ROBO2: variants seen among roughly 807,000 people sequenced by gnomAD.
The protein encoded by ROBO2 is roundabout guidance receptor 2, also known as roundabout homolog 2.
A neutral mutation model predicts 160.8 loss-of-function variants in ROBO2; 53 were observed. The ratio of observed to expected loss-of-function variants is 0.33; its 90% CI spans 0.26 to 0.41. The LOEUF is 0.41. ROBO2 is among the 10% of genes least tolerant of loss of function. The pLI is 1.00. For missense variants in ROBO2, 1,577 were observed against 1,722.4 expected (o/e 0.92, Z 1.49); for synonymous variants, 664 against 611.7 (o/e 1.09, Z -1.26).
In ROBO2 at chr3:77,574,761, A is replaced by T. The variant is rs1385949469; in HGVS notation, c.2203+31A>T. On this transcript the variant is annotated intron_variant, in intron 14 of 25. Transcript: ENST00000461745. ...TATTCAGATTTCGAATATAAATCAAACATGATGAAACCAATTTCTGTTACA... is the reference window on the plus strand; with the variant it reads ...TATTCAGATTTCGAATATAAATCAATCATGATGAAACCAATTTCTGTTACA... The T allele has an allele frequency of 9.3e-6, 14 of 1,508,750 alleles. No homozygotes were observed. The East Asian group carries it at 3.2e-4, about 34-fold the overall frequency. The allele number at this position is 1,508,750 out of a possible 1,614,324, so 93.5% of individuals were successfully genotyped here. A position where few individuals can be genotyped will look rare whatever the true frequency, so the allele number is the denominator to read the frequency against.
At chr3:77,373,867 CAA>C (rs35983454) in intron 2 of ROBO2, among the ~76,000 whole-genome samples, 45,830 of 112,230 alleles carry the variant, frequency 0.41, 7,711 homozygotes, top group East Asian at 0.69. Flanking sequence ...CCAAAGCAGG[CAA>C]AAAAAAAAAA....
chr3:77,473,677 CG>C (rs2083637151), intron 2 of ROBO2, among the ~76,000 whole-genome samples: 1 of 151,808 alleles, frequency 6.6e-6, no homozygotes, highest in Non-Finnish European at 1.5e-5. Flanking sequence ...AGAATGGTCT[CG>C]GTCTCCTGAC....
chr3:76,766,248 C>G (rs2061571463), intron 2 of ROBO2, among the ~76,000 whole-genome samples: 1 of 151,636 alleles, frequency 6.6e-6, no homozygotes, highest in South Asian at 2.1e-4. Context: ...CTCTGACCCA[C>G]TTCACCTACA....
chr3:77,098,356 G>T lies in ROBO2; in HGVS notation c.388+16G>T. Reference sequence around the variant, plus strand: ...GAAGTGGCATGTAAGTGAACATAATGAACCTCATGTGCACATTTACTTTTA... The same window carrying T: ...GAAGTGGCATGTAAGTGAACATAATTAACCTCATGTGCACATTTACTTTTA... On this transcript the variant is annotated intron_variant, in intron 2 of 25. Coordinates refer to ENST00000461745, the Ensembl canonical transcript of ROBO2. The T allele has an allele frequency of 1.2e-6, 2 of 1,611,714 alleles. No homozygotes were observed. The highest frequency in any genetic ancestry group is 2.2e-5 in the South Asian group (2 of 90,960).
At chr3:77,137,560 T>C (rs898530030) in intron 2 of ROBO2, among the ~76,000 whole-genome samples, 6 of 152,242 alleles carry the variant, frequency 3.9e-5, no homozygotes, top group African/African-American at 1.4e-4. Flanking sequence ...TTAATTTGTC[T>C]TTAATTTGCA....
In ROBO2 at chr3:76,252,006, TGA is replaced by T. The variant is rs376335941; in HGVS notation, c.109+314410_109+314411del. On this transcript the variant is annotated intron_variant, in intron 2 of 26. Coordinates refer to the ROBO2 transcript ENST00000487694. Reference sequence around the variant, plus strand: ...CTAATGAGAAGCAAGTTACAGGTTTTGAGAGAGCCAGAGGACTGGGGCTTATG... The same window carrying T: ...CTAATGAGAAGCAAGTTACAGGTTTTGAGAGCCAGAGGACTGGGGCTTATG... Among the ~76,000 whole-genome samples the T allele has an allele frequency of 6.6e-3, 1,006 of 152,126 alleles. 3 individuals carry two copies. Among genetic ancestry groups the T allele is most frequent in the Middle Eastern group, 0.01 (3 of 294 alleles).
intron 2 of ROBO2, among the ~76,000 whole-genome samples, chr3:76,867,743 G>A (rs1449009268): frequency 2.0e-5 from 3 of 152,098 alleles, no homozygotes; most frequent in Non-Finnish European, 2.9e-5. Context: ...TTCTCTCCTC[G>A]AAAACCATTG....
At chr3:75,917,870 T>G (rs1361960343) in intron 1 of ROBO2, among the ~76,000 whole-genome samples, 1 of 74,404 alleles carries the variant, frequency 1.3e-5, no homozygotes, top group East Asian at 4.7e-4. Flanking sequence ...CTTTGCCTAC[T>G]TTTTGATGGG....
At chr3:76,852,383 C>T (rs1434695126) in intron 2 of ROBO2, among the ~76,000 whole-genome samples, 1 of 152,124 alleles carries the variant, frequency 6.6e-6, no homozygotes, top group Non-Finnish European at 1.5e-5. Flanking sequence ...GCAATTTAAA[C>T]CTAATTCCTG....
chr3:76,837,209 C>A (rs2067781074), intron 2 of ROBO2, among the ~76,000 whole-genome samples: 1 of 151,706 alleles, frequency 6.6e-6, no homozygotes, highest in Non-Finnish European at 1.5e-5. Flanking sequence ...GAAGGTGGAC[C>A]ATATTTTACA....
rs529614555 is a variant in ROBO2, at chr3:77,132,451, T to G, written c.388+34111T>G. ...TTTATCATTAAACTAGCTGGTAGTT[T>G]CAGCCCCTGGAAAGGCTATTTTGTC... On this transcript the variant is annotated intron_variant, in intron 2 of 25. Transcript: ENST00000461745. Among the ~76,000 whole-genome samples the G allele has an allele frequency of 3.6e-4, 55 of 152,210 alleles. 1 individual carries two copies. In the East Asian group the frequency reaches 8.7e-3, roughly 24 times the overall value.
intron 2 of ROBO2, among the ~76,000 whole-genome samples, chr3:77,372,096 A>G (rs2071839923): frequency 6.6e-6 from 1 of 152,120 alleles, no homozygotes; most frequent in African/African-American, 2.4e-5. Context: ...AAGAATTTAG[A>G]GACTGTAAAC....
intron 2 of ROBO2, among the ~76,000 whole-genome samples, chr3:76,940,983 C>T (rs1198947149): frequency 6.6e-6 from 1 of 152,128 alleles, no homozygotes; most frequent in East Asian, 1.9e-4. Flanking sequence ...AAATTGAAGC[C>T]TTGATATTCC....
At chr3:77,085,294 G>A (rs1018068232) in intron 1 of ROBO2, among the ~76,000 whole-genome samples, 5 of 151,954 alleles carry the variant, frequency 3.3e-5, no homozygotes, top group Non-Finnish European at 5.9e-5. Flanking sequence ...ATAAAGTGAA[G>A]GCAAAATACA....
At chr3:76,087,644 T>C (rs1183660342) in intron 2 of ROBO2, among the ~76,000 whole-genome samples, 1 of 152,060 alleles carries the variant, frequency 6.6e-6, no homozygotes, top group East Asian at 1.9e-4. Context: ...TTTTAATTTA[T>C]CTAATAACAG....
At chr3:76,316,057 G>C (rs1294608357) in intron 2 of ROBO2, among the ~76,000 whole-genome samples, 1 of 152,110 alleles carries the variant, frequency 6.6e-6, no homozygotes, top group Non-Finnish European at 1.5e-5. Context: ...ACAGGGAGTA[G>C]ATCACATGCT....
chr3:77,289,363 C>T (rs186936392), intron 2 of ROBO2, among the ~76,000 whole-genome samples: 10 of 151,718 alleles, frequency 6.6e-5, no homozygotes, highest in Non-Finnish European at 1.3e-4. Flanking sequence ...AACGGGTAAG[C>T]TGAGACTAGA....
intron 2 of ROBO2, among the ~76,000 whole-genome samples, chr3:76,703,056 A>C (rs1197228816): frequency 1.3e-5 from 2 of 152,136 alleles, no homozygotes; most frequent in Non-Finnish European, 2.9e-5. Flanking sequence ...TGCCCTCCAA[A>C]TAATATATCA....
intron 2 of ROBO2, among the ~76,000 whole-genome samples, chr3:76,917,497 C>T (rs891706274): frequency 6.6e-6 from 1 of 152,124 alleles, no homozygotes; most frequent in Admixed American, 6.5e-5. Context: ...CAGCGCTATG[C>T]AAATGAATAT....
Sources: gnomAD v4.1 joint callset for allele counts (sites outside exome capture counted in the v4.1 genomes callset) on GRCh38, gnomAD v4.1.1 for gene constraint, MANE v1.5 for transcripts, NCBI Gene and HGNC (gene_info 2026-07-23, HGNC 2026-07-21) for gene names.